The following DIAPH2 variants were observed in gnomAD, a reference collection of about 807,000 sequenced individuals.
DIAPH2 encodes the protein diaphanous related formin 2, also known as protein diaphanous homolog 2.
In DIAPH2, 35 loss-of-function variants were observed where a neutral mutation model predicts 92.7. The ratio of observed to expected loss-of-function variants is 0.38; its 90% CI spans 0.29 to 0.50. The LOEUF (loss-of-function observed/expected upper bound fraction) is 0.50. Among genes scored for constraint, DIAPH2 ranks in the 20% least tolerant of loss-of-function variants. The probability of loss-of-function intolerance (pLI) is 0.94; values close to 1 mark genes in which losing one functional copy is unlikely to be tolerated. For synonymous variants in DIAPH2, 301 were observed against 280.4 expected, an observed-to-expected ratio of 1.07 and a Z score of -0.73; for missense variants, 701 against 819.5, an observed-to-expected ratio of 0.86 and a Z score of 1.77.
intron 1 of DIAPH2, among the ~76,000 whole-genome samples, chrX:96,709,322 G>T (rs1188945983): frequency 8.9e-6 from 1 of 111,996 alleles, no homozygotes; most frequent in Non-Finnish European, 1.9e-5. Context: ...TTGATGAAAT[G>T]TGTGAGGCAA....
At chrX:97,517,978 T>C (rs936338332) in intron 26 of DIAPH2, among the ~76,000 whole-genome samples, 3 of 112,303 alleles carry the variant, frequency 2.7e-5, no homozygotes, top group Non-Finnish European at 3.8e-5. Flanking sequence ...TGTGGAGATA[T>C]AACTACTCAC....
At chrX:96,881,740 G>C (rs1391891455) in intron 5 of DIAPH2, 22 bp downstream of exon 5, 10 of 1,195,700 alleles carry the variant, frequency 8.4e-6, no homozygotes, top group Non-Finnish European at 1.1e-5. Context: ...TTATCATTTC[G>C]GTATGATTCA....
chrX:97,011,659 G>C (rs1003617466), intron 17 of DIAPH2, among the ~76,000 whole-genome samples: 1 of 110,261 alleles, frequency 9.1e-6, no homozygotes, highest in Non-Finnish European at 1.9e-5. Flanking sequence ...ATTCCAAGGC[G>C]GGTGGATCAC....
chrX:97,545,057 TC>T (rs1166068582), intron 26 of DIAPH2, among the ~76,000 whole-genome samples: 2 of 110,397 alleles, frequency 1.8e-5, no homozygotes, highest in East Asian at 5.7e-4. Flanking sequence ...GTGTATATTT[TC>T]CCCTACTCCT....
intron 23 of DIAPH2, among the ~76,000 whole-genome samples, chrX:97,337,489 T>C (rs2069074474): frequency 9.0e-6 from 1 of 111,376 alleles, no homozygotes. Flanking sequence ...CCTGCTGGCA[T>C]TCATTCCCTC....
chrX:97,137,287 A>G (rs1425306553), intron 21 of DIAPH2, among the ~76,000 whole-genome samples: 13 of 96,445 alleles, frequency 1.3e-4, no homozygotes, highest in African/African-American at 4.7e-4. Context: ...ATATATATAT[A>G]TATATATATA....
At chrX:97,292,072 ATT>A (rs34226875) in intron 23 of DIAPH2, among the ~76,000 whole-genome samples, 75 of 84,952 alleles carry the variant, frequency 8.8e-4, no homozygotes, top group East Asian at 2.2e-3. Context: ...TATAGAAGCA[ATT>A]TTTTTTTTTT....
chrX:97,525,680 CAGTATA>C (rs1287863305), intron 26 of DIAPH2, among the ~76,000 whole-genome samples: 2 of 112,037 alleles, frequency 1.8e-5, no homozygotes, highest in African/African-American at 6.5e-5. Flanking sequence ...CCTTGAGGTA[CAGTATA>C]AGTATATCAA....
intron 5 of DIAPH2, among the ~76,000 whole-genome samples, chrX:96,888,592 C>T (rs375889633): frequency 5.6e-4 from 24 of 42,605 alleles, no homozygotes; most frequent in African/African-American, 1.2e-3. Context: ...TATATATATA[C>T]AGATATATAT....
chrX:96,840,760 C>G (rs1260709817), intron 4 of DIAPH2, among the ~76,000 whole-genome samples: 1 of 107,003 alleles, frequency 9.3e-6, no homozygotes, highest in Non-Finnish European at 1.9e-5. Flanking sequence ...AGACGCCCAC[C>G]ACCATGCCCA....
At chrX:96,882,959 C>CAAAAAAAAAAAAAAAAAAAAAAAAAAAA (rs1211958338) in intron 5 of DIAPH2, among the ~76,000 whole-genome samples, 1 of 31,993 alleles carries the variant, frequency 3.1e-5, no homozygotes, top group Non-Finnish European at 5.5e-5. Flanking sequence ...ACCCTGTCTC[C>CAAAAAAAAAAAAAAAAAAAAAAAAAAAA]AAAAAAAAAA....
At chrX:97,194,362 C>T (rs59655428) in intron 22 of DIAPH2, among the ~76,000 whole-genome samples, 33 of 105,025 alleles carry the variant, frequency 3.1e-4, no homozygotes, top group Admixed American at 5.2e-4. Flanking sequence ...GCTCACTGCA[C>T]GCTCCGCCTC....
At chrX:97,364,928 T>C (rs1392478968) in intron 24 of DIAPH2, among the ~76,000 whole-genome samples, 1 of 110,836 alleles carries the variant, frequency 9.0e-6, no homozygotes, top group African/African-American at 3.3e-5. Context: ...AGACCCAAGT[T>C]TATTTTCTGT....
chrX:97,368,501 G>T (rs2147714361), intron 24 of DIAPH2, among the ~76,000 whole-genome samples: 1 of 111,952 alleles, frequency 8.9e-6, no homozygotes, highest in Admixed American at 9.5e-5. Flanking sequence ...TTTTTTAAAA[G>T]AAATCTTTTT....
chrX:97,560,397 C>A (rs1416053039), intron 26 of DIAPH2, among the ~76,000 whole-genome samples: 1 of 112,270 alleles, frequency 8.9e-6, no homozygotes, highest in Non-Finnish European at 1.9e-5. Context: ...TACCGTATAC[C>A]CCTCAACAGC....
chrX:96,938,932 A>G (rs2065675396), intron 11 of DIAPH2, among the ~76,000 whole-genome samples: 1 of 111,687 alleles, frequency 9.0e-6, no homozygotes, highest in Non-Finnish European at 1.9e-5. Context: ...AACTACAGGG[A>G]GATCAAAAGG....
intron 17 of DIAPH2, among the ~76,000 whole-genome samples, chrX:97,021,765 G>A (rs1220502533): frequency 3.6e-5 from 4 of 111,706 alleles, no homozygotes; most frequent in Non-Finnish European, 3.8e-5. Flanking sequence ...AAAGAAACAC[G>A]CTCTGAGGCT....
chrX:97,009,841 T>C (rs781395411), intron 17 of DIAPH2, among the ~76,000 whole-genome samples: 1 of 111,541 alleles, frequency 9.0e-6, no homozygotes, highest in South Asian at 3.8e-4. Context: ...TTCCCTTTCC[T>C]CTCCTCAAGT....
chrX:96,916,531 G>T lies in DIAPH2; in HGVS notation c.826G>T (p.Val276Leu). The T allele has an allele frequency of 8.3e-7, 1 of 1,198,241 alleles. No homozygotes were observed. The highest frequency in any genetic ancestry group is 1.1e-6 in the Non-Finnish European group (1 of 889,195). Residue 276 changes from valine to leucine, a missense_variant, in exon 8 of 27, where the codon GTA becomes TTA. This residue lies in a region of DIAPH2 where 34 missense variants were observed against 74.7 expected (regional missense o/e 0.46). Coordinates refer to ENST00000324765, the MANE Select transcript of DIAPH2 (RefSeq NM_006729.5). ...PKQPNMMTEI[V>L]KILSAICIVG... ...ACAACCCAACATGATGACTGAAATA[G>T]TAAAAATACTTTCTGCTATTTGCAT...
Sources: gnomAD v4.1 joint callset for allele counts (sites outside exome capture counted in the v4.1 genomes callset) on GRCh38, gnomAD v4.1.1 for gene constraint, gnomAD v4.1.1 regional missense constraint, MANE v1.5 for transcripts, NCBI Gene and HGNC (gene_info 2026-07-23, HGNC 2026-07-21) for gene names.